The following SDK2 variants were observed in gnomAD, a reference collection of about 807,000 sequenced individuals.
SDK2 encodes the protein sidekick cell adhesion molecule 2, also known as protein sidekick-2.
SDK2 carries 105 observed loss-of-function variants against 253.9 expected under a neutral mutation model. The ratio of observed to expected loss-of-function variants is 0.41; its 90% confidence interval spans 0.35 to 0.49. The LOEUF (loss-of-function observed/expected upper bound fraction) is 0.49. Ranked by LOEUF, SDK2 falls within the 20% of genes least tolerant of loss-of-function variation. The pLI is 0.06. For synonymous variants in SDK2, 1,249 were observed against 1,234.9 expected (o/e 1.01, Z -0.24); for missense variants, 2,608 against 3,003.0 (o/e 0.87, Z 3.07).
intron 1 of SDK2, chr17:73,518,089 A>G (rs2064044122): frequency 6.6e-6 from 1 of 152,284 alleles, no homozygotes; most frequent in African/African-American, 2.4e-5. Flanking sequence ...TGGCCTGCAG[A>G]AGAGCCCAGA....
chr17:73,551,950 G>A (rs1484585940), intron 1 of SDK2, among the ~76,000 whole-genome samples: 2 of 152,310 alleles, frequency 1.3e-5, no homozygotes, highest in African/African-American at 4.8e-5. Flanking sequence ...GATTCAGGGG[G>A]CTGTGATTGG....
chr17:73,617,446 AG>A lies in SDK2; in HGVS notation c.64+26578del, dbSNP rs200784939. 2.8e-3 allele frequency among the ~76,000 whole-genome samples: 431 copies of A among 152,218 alleles called. 12 individuals are homozygous for A. In the East Asian group the frequency reaches 0.039, roughly 14 times the overall value. ...CAAGGAAATGAACCCAGAGACCCCC[AG>A]GGGCCCTTCTGGCTCCTGGCTCTGA... On this transcript the variant is annotated intron_variant, in intron 1 of 44. Coordinates refer to ENST00000392650, the MANE Select transcript of SDK2 (RefSeq NM_001144952.2).
chr17:73,614,306 A>G (rs1415563961), intron 1 of SDK2, among the ~76,000 whole-genome samples: 1 of 152,090 alleles, frequency 6.6e-6, no homozygotes, highest in Non-Finnish European at 1.5e-5. Context: ...CTCTTCCAGA[A>G]AGCTTCTCGA....
chr17:73,511,347 C>G lies in SDK2; in HGVS notation c.65-3750G>C, dbSNP rs2063978816. Among the ~76,000 whole-genome samples, 1 of 152,224 alleles carries G rather than the reference C, an allele frequency of 6.6e-6. No homozygotes were observed. Among genetic ancestry groups the G allele is most frequent in the South Asian group, 2.1e-4 (1 of 4,828 alleles). ...ACATGTGCATATGTGTGAGCACACA[C>G]ACACGCGCGAGCACGCACACGCTCT... On this transcript the variant is annotated intron_variant, in intron 1 of 44. Transcript: ENST00000392650. This position sits in a 1 kb window ranked among gnomAD's most constrained non-coding sequence, Gnocchi z 4.9.
intron 2 of SDK2, among the ~76,000 whole-genome samples, chr17:73,489,314 C>T (rs1046764216): frequency 6.6e-5 from 10 of 152,202 alleles, no homozygotes; most frequent in African/African-American, 2.2e-4. Flanking sequence ...TCAGGTCTTT[C>T]AGCATCTCCA....
At chr17:73,418,769 T>G (rs1405627127) in intron 16 of SDK2, among the ~76,000 whole-genome samples, 1 of 152,196 alleles carries the variant, frequency 6.6e-6, no homozygotes, top group Non-Finnish European at 1.5e-5. Flanking sequence ...GAAAGAACTT[T>G]CACTTTTCCA....
At position 73,609,312 on chromosome 17, in the gene SDK2, A is replaced by G. The variant is rs2045946111; in HGVS notation, c.64+34713T>C. 6.6e-6 allele frequency among the ~76,000 whole-genome samples: 1 copy of G among 152,138 alleles called. No homozygotes were observed. Among genetic ancestry groups the G allele is most frequent in the African/African-American group, 2.4e-5 (1 of 41,412 alleles). On this transcript the variant is annotated intron_variant, in intron 1 of 44. Transcript: ENST00000392650. This position sits in a 1 kb window ranked among gnomAD's most constrained non-coding sequence, Gnocchi z 4.4. ...TGGGTACTCATGGAAAGGAGGAGAG[A>G]GCCCAGAACTGAGTCCAGAACGCCC...
chr17:73,344,173 G>C (rs1037895282), intron 44 of SDK2, among the ~76,000 whole-genome samples: 6 of 152,130 alleles, frequency 3.9e-5, no homozygotes, highest in African/African-American at 9.7e-5. Flanking sequence ...CGAGGCTCTG[G>C]GCTCCCTGTG....
rs2062453097 is a variant in SDK2 at position 73,343,096 on chromosome 17, G to A, written c.6166-4156C>T. Among the ~76,000 whole-genome samples, 8 of 152,328 alleles carry A rather than the reference G, an allele frequency of 5.3e-5. No individual in the cohort carries two copies. The South Asian group carries it at 1.7e-3, about 32-fold the overall frequency. On this transcript the variant is annotated intron_variant, in intron 44 of 44. Transcript: ENST00000392650. ...CATGTCCGGACTGGAAGCAAGGTGG[G>A]GAGTGGGATTCTCTAGCCCTCCTAG...
At chr17:73,381,040 C>G in intron 33 of SDK2, 90 bp from the exon 34 acceptor site, 1 of 794,586 alleles carries the variant, frequency 1.3e-6, no homozygotes. Context: ...CACAAAGAAA[C>G]CCCGGCCAGG....
intron 2 of SDK2, among the ~76,000 whole-genome samples, chr17:73,484,896 C>CTCTT (rs2063760445): frequency 6.6e-6 from 1 of 152,200 alleles, no homozygotes; most frequent in Non-Finnish European, 1.5e-5. Flanking sequence ...TCAAATGATC[C>CTCTT]TCTTTCTTTG....
intron 43 of SDK2, among the ~76,000 whole-genome samples, chr17:73,349,158 T>G (rs9302961): frequency 6.6e-6 from 1 of 152,234 alleles, no homozygotes; most frequent in Admixed American, 6.5e-5. Flanking sequence ...TTACATGTAG[T>G]AGGGCCCCGG....
intron 2 of SDK2, among the ~76,000 whole-genome samples, chr17:73,490,130 C>T (rs2063795793): frequency 6.6e-6 from 1 of 152,182 alleles, no homozygotes. Context: ...GCCCTGCTCT[C>T]TGGGGTTGCG....
intron 12 of SDK2, among the ~76,000 whole-genome samples, chr17:73,429,021 G>A (rs140814769): frequency 6.6e-6 from 1 of 152,168 alleles, no homozygotes; most frequent in Non-Finnish European, 1.5e-5. Flanking sequence ...AGAGACCCCC[G>A]AATCCCATTA....
At chr17:73,524,851 C>G (rs2064112729) in intron 1 of SDK2, among the ~76,000 whole-genome samples, 1 of 152,272 alleles carries the variant, frequency 6.6e-6, no homozygotes, top group Non-Finnish European at 1.5e-5. Flanking sequence ...GGAAAGGCAA[C>G]AGAGCCATCG....
chr17:73,513,979 C>T (rs182878925), intron 1 of SDK2, among the ~76,000 whole-genome samples: 278 of 152,180 alleles, frequency 1.8e-3, no homozygotes, highest in Middle Eastern at 0.014. Context: ...TCTGGGTGCC[C>T]GGGGACTTGG....
chr17:73,387,690 C>CG (rs888195029), intron 30 of SDK2, 146 bp downstream of exon 30: 2 of 666,684 alleles, frequency 3.0e-6, no homozygotes, highest in South Asian at 2.0e-5. Context: ...AGAGTGGACG[C>CG]GGGGGCCGCC....
chr17:73,591,369 G>A (rs1266960298), intron 1 of SDK2, among the ~76,000 whole-genome samples: 7 of 152,088 alleles, frequency 4.6e-5, no homozygotes, highest in African/African-American at 1.4e-4. Context: ...TCCCTATTGA[G>A]GTTAACAGGG....
chr17:73,537,189 G>A lies in SDK2; in HGVS notation c.65-29592C>T, dbSNP rs773283448. ...GCCGCAGATATTAATCCCTTTCTAT[G>A]CAAAGAGACGATGGATTGTGAGCCC... On this transcript the variant is annotated intron_variant, in intron 1 of 44. Transcript: ENST00000392650. Among the ~76,000 whole-genome samples the A allele has an allele frequency of 8.9e-4, 135 of 152,328 alleles. 1 individual carries two copies. The highest frequency in any genetic ancestry group is 6.8e-3 in the Middle Eastern group (2 of 294).
Sources: allele counts gnomAD v4.1 joint callset (sites outside exome capture counted in the v4.1 genomes callset), GRCh38; gene constraint gnomAD v4.1.1; non-coding constraint Gnocchi (gnomAD v3.1); transcripts MANE v1.5; gene names NCBI Gene and HGNC (gene_info 2026-07-23, HGNC 2026-07-21).